Variants in MAGEA4 observed in about 807,000 individuals in gnomAD.
MAGEA4 encodes melanoma-associated antigen 4.
In MAGEA4, 1 loss-of-function variant was observed where a neutral mutation model predicts 13.7. The observed-to-expected ratio is 0.07, with a 90% CI of 0.03 to 0.35. The LOEUF (loss-of-function observed/expected upper bound fraction) is 0.35. MAGEA4 is among the 10% of genes least tolerant of loss of function. The probability of loss-of-function intolerance (pLI) is 0.99; values close to 1 mark genes in which losing one functional copy is unlikely to be tolerated. For missense variants in MAGEA4, 312 were observed against 245.1 expected (o/e 1.27, Z -1.82); for synonymous variants, 132 against 101.1 (o/e 1.31, Z -1.83).
intron 1 of MAGEA4, among the ~76,000 whole-genome samples, chrX:151,922,598 G>C (rs1933498632): frequency 8.9e-6 from 1 of 111,917 alleles, no homozygotes; most frequent in African/African-American, 3.3e-5. Flanking sequence ...CTGGTCTACA[G>C]ACACAGTGGT....
chrX:151,923,119 C>T (rs1193320009), intron 1 of MAGEA4, among the ~76,000 whole-genome samples: 2 of 111,824 alleles, frequency 1.8e-5, no homozygotes, highest in African/African-American at 3.3e-5. Flanking sequence ...GAGTGGGGAC[C>T]TCACAGAGTC....
At chrX:151,921,733 T>A (rs748789476) in intron 1 of MAGEA4, among the ~76,000 whole-genome samples, 123 of 111,793 alleles carry the variant, frequency 1.1e-3, no homozygotes, top group African/African-American at 3.9e-3. Flanking sequence ...CATCGAGGGC[T>A]GAAGGAGGGA....
Position 151,924,425 on chromosome X carries a change from A to G in MAGEA4, c.761A>G (p.Glu254Gly), listed in dbSNP as rs749434238. ...CTGCTCACCCAAGATTGGGTGCAGG[A>G]AAACTACCTGGAGTACCGGCAGGTA... ...RKLLTQDWVQ[E>G]NYLEYRQVPG... Residue 254 changes from glutamate (E) to glycine (G), a missense_variant, in exon 3 of 3, where the codon GAA becomes GGA. Coordinates refer to ENST00000276344, the MANE Select transcript of MAGEA4 (RefSeq NM_001011548.1). 5.0e-6 allele frequency: 6 copies of G among 1,211,566 alleles called. No individual in the cohort carries two copies. Among genetic ancestry groups the G allele is most frequent in the Non-Finnish European group, 1.1e-6 (1 of 895,287 alleles).
intron 1 of MAGEA4, chrX:151,919,829 C>A (rs1330227625): frequency 1.5e-6 from 1 of 677,038 alleles, no homozygotes; most frequent in Non-Finnish European, 1.8e-6. Context: ...GGGGGGACTT[C>A]TGAGTCTGGG....
chrX:151,922,520 T>A (rs761848890), intron 1 of MAGEA4, among the ~76,000 whole-genome samples: 1 of 111,269 alleles, frequency 9.0e-6, no homozygotes, highest in East Asian at 2.9e-4. Context: ...TCATTTCTGA[T>A]TCCAGATCTC....
At chrX:151,913,469 G>A (rs1393129618) in intron 1 of MAGEA4, 1 of 714,698 alleles carries the variant, frequency 1.4e-6, no homozygotes, top group African/African-American at 2.5e-5. Flanking sequence ...AAAGCCCCAG[G>A]GGCCCGGATG....
intron 1 of MAGEA4, among the ~76,000 whole-genome samples, chrX:151,921,154 G>A (rs898804750): frequency 3.6e-5 from 4 of 112,066 alleles, no homozygotes; most frequent in African/African-American, 1.3e-4. Flanking sequence ...CTGCCATTTC[G>A]CTGCTCCATT....
intron 1 of MAGEA4, among the ~76,000 whole-genome samples, chrX:151,920,356 C>A (rs925358975): frequency 2.7e-5 from 3 of 110,178 alleles, no homozygotes; most frequent in African/African-American, 6.6e-5. Context: ...AATCCGGCAC[C>A]CCTCCTGCTT....
intron 1 of MAGEA4, among the ~76,000 whole-genome samples, chrX:151,920,543 A>T (rs1294497093): frequency 1.8e-5 from 1 of 55,862 alleles, no homozygotes; most frequent in Non-Finnish European, 3.4e-5. Flanking sequence ...AGTGTCCCCC[A>T]CCCCCATTCC....
At chrX:151,919,369 C>G (rs1316181183) in intron 1 of MAGEA4, among the ~76,000 whole-genome samples, 1 of 94,291 alleles carries the variant, frequency 1.1e-5, no homozygotes, top group African/African-American at 4.0e-5. Flanking sequence ...CCCCATCCCC[C>G]ACCAGGCTCC....
At position 151,924,470 on chromosome X, in the gene MAGEA4, G is replaced by A. The variant is rs151108304; in HGVS notation, c.806G>A (p.Arg269His). 3.1e-4 allele frequency: 372 copies of A among 1,210,407 alleles called. No homozygotes were observed. The highest frequency in any genetic ancestry group is 3.9e-4 in the Non-Finnish European group (348 of 895,295). ...CAGGTACCCGGCAGTAATCCTGCGC[G>A]CTATGAGTTCCTGTGGGGTCCAAGG... The part of the protein sequence containing the change: ...YRQVPGSNPA[R>H]YEFLWGPRAL... Residue 269 changes from arginine (R) to histidine (H), a missense_variant, in exon 3 of 3, where the codon CGC becomes CAC. Physicochemically the swap from Arg to His is conservative, Grantham distance 29 (BLOSUM62 0). Transcript: ENST00000276344.
chrX:151,919,537 A>C (rs1461191336), intron 1 of MAGEA4: 10 of 398,066 alleles, frequency 2.5e-5, no homozygotes, highest in African/African-American at 1.8e-4. Context: ...CACCGACCTC[A>C]CTCCTCCCAC....
At chrX:151,920,135 C>T (rs1933354501) in intron 1 of MAGEA4, among the ~76,000 whole-genome samples, 1 of 107,950 alleles carries the variant, frequency 9.3e-6, no homozygotes, top group Non-Finnish European at 1.9e-5. Flanking sequence ...AATCGCATTC[C>T]GTTTCTGCTT....
chrX:151,921,750 T>G (rs1255625899), intron 1 of MAGEA4, among the ~76,000 whole-genome samples: 1 of 110,992 alleles, frequency 9.0e-6, no homozygotes, highest in Admixed American at 9.4e-5. Flanking sequence ...GGGAGAGGGT[T>G]TGGTATCATG....
chrX:151,924,619 G>A lies in MAGEA4; in HGVS notation c.*1G>A. 8.5e-7 allele frequency: 1 copy of A among 1,180,669 alleles called. No homozygotes were observed. Among genetic ancestry groups the A allele is most frequent in the Non-Finnish European group, 1.1e-6 (1 of 878,574 alleles). On this transcript the variant is annotated 3_prime_UTR_variant, in exon 3 of 3. Transcript: ENST00000276344. ...GTTAGAGGAGGAAGAGGGAGTCTGA[G>A]CATGAGTTGCAGCCAGGGCTGTGGG...
At chrX:151,922,853 G>A (rs969943645) in intron 1 of MAGEA4, among the ~76,000 whole-genome samples, 7 of 112,019 alleles carry the variant, frequency 6.2e-5, no homozygotes, top group Non-Finnish European at 1.1e-4. Context: ...GGCTCTGCCA[G>A]GAGTTGAGGT....
At chrX:151,922,082 C>G (rs55772283) in intron 1 of MAGEA4, among the ~76,000 whole-genome samples, 2,309 of 110,228 alleles carry the variant, frequency 0.021, 37 homozygotes, top group Non-Finnish European at 0.034. Flanking sequence ...TTCGAGGTCA[C>G]AGAGAGGAGA....
At chrX:151,912,782 A>C, upstream of MAGEA4, 1 of 88,615 alleles carries the variant, frequency 1.1e-5, no homozygotes, top group Non-Finnish European at 1.9e-5. Context: ...CCACCCCCCA[A>C]CACCCATACC....
rs145540013 is a variant in MAGEA4, at chrX:151,922,915, A to G, written c.-137-538A>G. ...GACACATGGGTTCCAATGAATTTCG[A>G]CATCTTTTGCTGTCGTTCTTCGGAA... On this transcript the variant is annotated intron_variant, in intron 1 of 2. Transcript: ENST00000276344. Among the ~76,000 whole-genome samples the G allele has an allele frequency of 1.2e-3, 139 of 112,195 alleles. No homozygotes were observed. In the East Asian group the frequency reaches 0.038, roughly 31 times the overall value.
Sources: gnomAD v4.1 joint callset for allele counts (sites outside exome capture counted in the v4.1 genomes callset) on GRCh38, gnomAD v4.1.1 for gene constraint, MANE v1.5 for transcripts, NCBI Gene and HGNC (gene_info 2026-07-23, HGNC 2026-07-21) for gene names.